The following NCOR2 variants were observed in gnomAD, a reference collection of about 807,000 sequenced individuals.
NCOR2 encodes the protein nuclear receptor corepressor 2, also known as CTG repeat protein 26.
In NCOR2, 81 loss-of-function variants were observed where a neutral mutation model predicts 262.9. The observed-to-expected ratio is 0.31, with a 90% CI of 0.26 to 0.37. The LOEUF is 0.37. Among genes scored for constraint, NCOR2 ranks in the 10% least tolerant of loss-of-function variants. NCOR2 has a pLI of 1.00. For missense variants in NCOR2, 3,385 were observed against 3,621.4 expected (o/e 0.93, Z 1.68); for synonymous variants, 1,659 against 1,559.3 (o/e 1.06, Z -1.51).
Position 124,548,904 on chromosome 12 carries a change from A to G in NCOR2, c.-164-13293T>C, listed in dbSNP as rs2051622948. Among the ~76,000 whole-genome samples the G allele has an allele frequency of 6.6e-6, 1 of 151,940 alleles. No homozygotes were observed. The highest frequency in any genetic ancestry group is 1.5e-5 in the Non-Finnish European group (1 of 67,956). Reference sequence around the variant, plus strand: ...AGGGCTCTGATCTGCTTTCTCGCGAATCCACGCTTACTCATTCTGAGTGGG... The same window carrying G: ...AGGGCTCTGATCTGCTTTCTCGCGAGTCCACGCTTACTCATTCTGAGTGGG... On this transcript the variant is annotated intron_variant, in intron 1 of 32. Coordinates refer to the NCOR2 transcript ENST00000458234. This position sits in a 1 kb window ranked among gnomAD's most constrained non-coding sequence, Gnocchi z 5.1.
At chr12:124,556,201 T>C (rs2051878117) in intron 1 of NCOR2, 1 of 152,328 alleles carries the variant, frequency 6.6e-6, no homozygotes, top group African/African-American at 2.4e-5. Context: ...AGAGAGGGAA[T>C]GGCCACAGGC....
At chr12:124,421,529 C>G (rs994942130) in intron 12 of NCOR2, among the ~76,000 whole-genome samples, 9 of 152,216 alleles carry the variant, frequency 5.9e-5, no homozygotes, top group Non-Finnish European at 1.3e-4. Context: ...GGTCTCTCTC[C>G]TTCTACGGTT....
At chr12:124,490,249 C>T (rs982213378) in intron 1 of NCOR2, among the ~76,000 whole-genome samples, 7 of 152,202 alleles carry the variant, frequency 4.6e-5, no homozygotes, top group Non-Finnish European at 7.3e-5. Context: ...TAAATCTGGG[C>T]TCCCCCAACC....
At chr12:124,327,578 C>T (rs2034787496) in exon 45 of NCOR2, 1 of 1,613,444 alleles carries the variant, frequency 6.2e-7, no homozygotes, top group Admixed American at 1.7e-5. Context: ...TGGCCTCCAG[C>T]CCCATGTTGG....
rs930226179 is a variant in NCOR2, at chr12:124,517,943, C to T, written c.-118+17622G>A. ...GGCTGACCTGCGGCCGGCCACTCAGCCCCCAGCCCTGGCCACCACCTCCAG... is the reference window on the plus strand; with the variant it reads ...GGCTGACCTGCGGCCGGCCACTCAGTCCCCAGCCCTGGCCACCACCTCCAG... On this transcript the variant is annotated intron_variant, in intron 1 of 46. Coordinates refer to the NCOR2 transcript ENST00000404621. This position sits in a 1 kb window ranked among gnomAD's most constrained non-coding sequence, Gnocchi z 7.6. Among the ~76,000 whole-genome samples, 1 of 152,150 alleles carries T rather than the reference C, an allele frequency of 6.6e-6. No individual in the cohort carries two copies. The highest frequency in any genetic ancestry group is 2.4e-5 in the African/African-American group (1 of 41,428).
chr12:124,497,565 C>T (rs3759107), upstream of NCOR2, among the ~76,000 whole-genome samples: 13,796 of 152,296 alleles, frequency 0.091, 791 homozygotes, highest in East Asian at 0.22. This position sits in a 1 kb window ranked among gnomAD's most constrained non-coding sequence, Gnocchi z 4.2. Flanking sequence ...TTATTATCAG[C>T]ATAGGTATAC....
chr12:124,341,187 G>A (rs1442314648), intron 34 of NCOR2, among the ~76,000 whole-genome samples: 1 of 152,162 alleles, frequency 6.6e-6, no homozygotes, highest in Non-Finnish European at 1.5e-5. Flanking sequence ...ACGCAAAGCA[G>A]CTGTGGGCTG....
intron 1 of NCOR2, chr12:124,556,486 C>G (rs1208274837): frequency 6.6e-6 from 1 of 152,394 alleles, no homozygotes; most frequent in East Asian, 1.9e-4. Flanking sequence ...AGATGACAAA[C>G]GTGTGAAACC....
chr12:124,519,627 G>T (rs1014216098), intron 1 of NCOR2, among the ~76,000 whole-genome samples: 5 of 152,140 alleles, frequency 3.3e-5, no homozygotes, highest in Admixed American at 2.0e-4. Flanking sequence ...GTGGTCAGAT[G>T]GACTCTGGGC....
upstream of NCOR2, chr12:124,495,388 G>C (rs2048325062): frequency 6.3e-6 from 9 of 1,433,098 alleles, no homozygotes; most frequent in Middle Eastern, 2.5e-4. This position sits in a 1 kb window ranked among gnomAD's most constrained non-coding sequence, Gnocchi z 4.4. Context: ...AACAAGAAAA[G>C]AAAAACAAGA....
At position 124,472,944 on chromosome 12, in the gene NCOR2, A is replaced by G. The variant is rs1338170096; in HGVS notation, c.591+8T>C. 6.2e-7 allele frequency: 1 copy of G among 1,613,860 alleles called. No homozygotes were observed. The highest frequency in any genetic ancestry group is 1.7e-5 in the Admixed American group (1 of 59,994). On this transcript the variant is annotated splice_region_variant and intron_variant, in intron 4 of 46. Coordinates refer to ENST00000405201, the Ensembl canonical transcript of NCOR2. ...ACAAACACTCCCCCTCCCCCTGCCC[A>G]TTCACACCTGCTTCTTCTTCAGCTT...
intron 17 of NCOR2, chr12:124,383,454 C>T (rs904628288): frequency 3.7e-6 from 3 of 800,088 alleles, no homozygotes; most frequent in Non-Finnish European, 5.0e-6. Flanking sequence ...CAACAGGGTG[C>T]CTTAAGCATG....
chr12:124,558,054 C>T (rs2051940837), intron 1 of NCOR2, among the ~76,000 whole-genome samples: 1 of 152,170 alleles, frequency 6.6e-6, no homozygotes, highest in African/African-American at 2.4e-5. Context: ...GCAGGGCTGG[C>T]ACCAGGCAGG....
rs567372799 is a variant in NCOR2 at position 124,518,785 on chromosome 12, G to A, written c.-118+16780C>T. On this transcript the variant is annotated intron_variant, in intron 1 of 46. Coordinates refer to the NCOR2 transcript ENST00000404621. ...GCAGGCGAAAGAGAGCTCCAGCCCC[G>A]CTTCTCCCACTTTAACCCGCTTCCT... Among the ~76,000 whole-genome samples, 67 of 152,290 alleles carry A rather than the reference G, an allele frequency of 4.4e-4. No homozygotes were observed. The South Asian group carries it at 0.012, about 27-fold the overall frequency.
At chr12:124,529,343 G>A (rs768990524) in intron 1 of NCOR2, among the ~76,000 whole-genome samples, 21 of 151,024 alleles carry the variant, frequency 1.4e-4, no homozygotes, top group Non-Finnish European at 2.1e-4. Flanking sequence ...ATGTGGTGGC[G>A]CATGCCTGTA....
chr12:124,331,190 G>T (rs1246908210), intron 43 of NCOR2, among the ~76,000 whole-genome samples: 1 of 151,778 alleles, frequency 6.6e-6, no homozygotes, highest in Non-Finnish European at 1.5e-5. Context: ...AGCCTCCCGA[G>T]TAGCTGGGGT....
chr12:124,369,810 G>A (rs1443273032), intron 20 of NCOR2, among the ~76,000 whole-genome samples: 1 of 152,148 alleles, frequency 6.6e-6, no homozygotes. Context: ...CCAGCTCGGG[G>A]AGGGAGGACA....
chr12:124,366,291 G>A (rs1370487346), intron 20 of NCOR2, among the ~76,000 whole-genome samples: 1 of 152,206 alleles, frequency 6.6e-6, no homozygotes, highest in African/African-American at 2.4e-5. Flanking sequence ...GGGCTATGAC[G>A]TGGGTGGACC....
intron 22 of NCOR2, among the ~76,000 whole-genome samples, chr12:124,360,770 G>A (rs1376797178): frequency 3.3e-5 from 5 of 151,088 alleles, no homozygotes; most frequent in Middle Eastern, 3.4e-3. Flanking sequence ...TGCCCACCCA[G>A]AGAGCTCCCA....
Sources: allele counts gnomAD v4.1 joint callset (sites outside exome capture counted in the v4.1 genomes callset), GRCh38; gene constraint gnomAD v4.1.1; non-coding constraint Gnocchi (gnomAD v3.1); transcripts MANE v1.5; gene names NCBI Gene and HGNC (gene_info 2026-07-23, HGNC 2026-07-21).